The following ADGRB3 variants were observed in gnomAD, a reference collection of about 807,000 sequenced individuals.
The protein encoded by ADGRB3 is adhesion G protein-coupled receptor B3.
ADGRB3 carries 37 observed loss-of-function variants against 193.4 expected under a neutral mutation model. The ratio of observed to expected loss-of-function variants is 0.19; its 90% CI spans 0.15 to 0.25. The LOEUF (loss-of-function observed/expected upper bound fraction) is 0.25. ADGRB3 is among the 10% of genes least tolerant of loss of function. The probability of loss-of-function intolerance (pLI) is 1.00; values close to 1 mark genes in which losing one functional copy is unlikely to be tolerated. For synonymous variants in ADGRB3, 690 were observed against 644.2 expected (o/e 1.07, Z -1.08); for missense variants, 1,637 against 1,852.9 (o/e 0.88, Z 2.14).
intron 3 of ADGRB3, among the ~76,000 whole-genome samples, chr6:68,883,437 T>G (rs898895417): frequency 1.3e-5 from 2 of 152,226 alleles, no homozygotes; most frequent in Non-Finnish European, 2.9e-5. Context: ...TTCCACGTTG[T>G]AGGAGCTTTG....
At chr6:68,976,582 A>T (rs1171787812) in intron 10 of ADGRB3, among the ~76,000 whole-genome samples, 2 of 152,228 alleles carry the variant, frequency 1.3e-5, no homozygotes, top group African/African-American at 4.8e-5. Flanking sequence ...TTATTAACAC[A>T]TATTCCATAT....
chr6:68,965,629 C>T (rs1231257440), intron 8 of ADGRB3, among the ~76,000 whole-genome samples: 1 of 152,098 alleles, frequency 6.6e-6, no homozygotes, highest in East Asian at 1.9e-4. Flanking sequence ...CAGCTAATCA[C>T]TAGGTAATTG....
chr6:69,208,063 T>C (rs1765576357), intron 17 of ADGRB3, among the ~76,000 whole-genome samples: 1 of 152,198 alleles, frequency 6.6e-6, no homozygotes. Flanking sequence ...CACTCAGCAG[T>C]GGTCATAGCC....
intron 17 of ADGRB3, among the ~76,000 whole-genome samples, chr6:69,096,362 G>GTTT (rs1772875374): frequency 1.0e-5 from 1 of 96,630 alleles, no homozygotes; most frequent in African/African-American, 3.4e-5. Flanking sequence ...TATTGTTTTG[G>GTTT]GTTTTTTTTT....
intron 20 of ADGRB3, among the ~76,000 whole-genome samples, chr6:69,289,466 A>G (rs974969855): frequency 2.6e-5 from 4 of 152,188 alleles, no homozygotes; most frequent in Non-Finnish European, 4.4e-5. Context: ...CACCTTCACA[A>G]TTCAACAAGG....
chr6:69,227,288 C>T (rs1766040193), intron 17 of ADGRB3, among the ~76,000 whole-genome samples: 1 of 152,058 alleles, frequency 6.6e-6, no homozygotes, highest in Non-Finnish European at 1.5e-5. Flanking sequence ...TGTGGGAAGC[C>T]AATGAGAGAC....
At chr6:69,061,187 C>G (rs1771737477) in intron 15 of ADGRB3, among the ~76,000 whole-genome samples, 1 of 151,886 alleles carries the variant, frequency 6.6e-6, no homozygotes, top group Non-Finnish European at 1.5e-5. Flanking sequence ...GGCTGAATAG[C>G]TTCCTGAGTG....
intron 3 of ADGRB3, among the ~76,000 whole-genome samples, chr6:68,772,885 AAAAAAAAAAATAT>A (rs1278759616): frequency 9.3e-5 from 4 of 42,892 alleles, no homozygotes; most frequent in African/African-American, 3.4e-4. Flanking sequence ...AAACAAACAA[AAAAAAAAAAATAT>A]ATATATATAT....
intron 3 of ADGRB3, among the ~76,000 whole-genome samples, chr6:68,874,424 C>T (rs1234484274): frequency 6.6e-6 from 1 of 152,062 alleles, no homozygotes; most frequent in African/African-American, 2.4e-5. Flanking sequence ...GACTCAAACA[C>T]ACTTTAAAAC....
intron 17 of ADGRB3, among the ~76,000 whole-genome samples, chr6:69,166,024 T>C (rs1460722538): frequency 6.6e-6 from 1 of 152,154 alleles, no homozygotes; most frequent in Non-Finnish European, 1.5e-5. Flanking sequence ...AACCATTTAC[T>C]GAGCACTGAC....
intron 3 of ADGRB3, among the ~76,000 whole-genome samples, chr6:68,805,476 G>T (rs960436869): frequency 6.6e-6 from 1 of 152,124 alleles, no homozygotes; most frequent in South Asian, 2.1e-4. Flanking sequence ...GGTTCAGTGA[G>T]CCCATTATGA....
chr6:68,956,070 A>G lies in ADGRB3; in HGVS notation c.1242A>G (p.Val414=). 2 of 1,613,940 alleles carry G rather than the reference A, an allele frequency of 1.2e-6. No individual in the cohort carries two copies. The highest frequency in any genetic ancestry group is 1.7e-6 in the Non-Finnish European group (2 of 1,179,948). The part of the protein sequence containing the change: ...QEWSSWSQCS[V]TCSNGTQQRS... Reference sequence around the variant, plus strand: ...GGAGTTCGTGGAGCCAGTGCTCAGTAACGTGCTCGAATGGGACTCAGCAGA... The same window carrying G: ...GGAGTTCGTGGAGCCAGTGCTCAGTGACGTGCTCGAATGGGACTCAGCAGA... Residue 414 remains valine, a synonymous_variant, in exon 7 of 32, where the codon GTA becomes GTG. Coordinates refer to ENST00000370598, the MANE Select transcript of ADGRB3 (RefSeq NM_001704.3).
At chr6:69,324,842 G>A in intron 20 of ADGRB3, 30 bp from the exon 21 acceptor site, 2 of 1,611,826 alleles carry the variant, frequency 1.2e-6, no homozygotes, top group Non-Finnish European at 1.7e-6. Flanking sequence ...CAGGTTCAGT[G>A]TGAGTCTTTT....
intron 3 of ADGRB3, among the ~76,000 whole-genome samples, chr6:68,792,616 A>G (rs1767128911): frequency 6.6e-6 from 1 of 152,030 alleles, no homozygotes; most frequent in Admixed American, 6.6e-5. Context: ...TCAATCTACA[A>G]TCTATTTACT....
intron 20 of ADGRB3, among the ~76,000 whole-genome samples, chr6:69,258,953 A>T (rs1330487616): frequency 6.6e-6 from 1 of 152,222 alleles, no homozygotes; most frequent in South Asian, 2.1e-4. Flanking sequence ...AAGAAATAGA[A>T]GGCTGAAGTT....
chr6:69,012,915 C>T (rs1284665025), intron 11 of ADGRB3, among the ~76,000 whole-genome samples: 1 of 152,030 alleles, frequency 6.6e-6, no homozygotes, highest in Non-Finnish European at 1.5e-5. Context: ...TCAAGGGAGT[C>T]CTGGTCCAAG....
intron 17 of ADGRB3, among the ~76,000 whole-genome samples, chr6:69,229,019 A>G (rs934859665): frequency 6.6e-5 from 10 of 152,162 alleles, no homozygotes; most frequent in South Asian, 4.1e-4. Flanking sequence ...TTAATTTTCA[A>G]TGCTCTTCAG....
intron 3 of ADGRB3, among the ~76,000 whole-genome samples, chr6:68,805,985 A>C (rs953608010): frequency 1.2e-4 from 18 of 152,208 alleles, no homozygotes; most frequent in Non-Finnish European, 2.4e-4. Context: ...GAGGCATAAC[A>C]TACCATGTGA....
At chr6:69,174,809 G>A (rs916697374) in intron 17 of ADGRB3, among the ~76,000 whole-genome samples, 5 of 152,248 alleles carry the variant, frequency 3.3e-5, no homozygotes, top group East Asian at 1.9e-4. Flanking sequence ...TCTGACTGGC[G>A]TCAGATGGTA....
Sources: gnomAD v4.1 joint callset for allele counts (sites outside exome capture counted in the v4.1 genomes callset) on GRCh38, gnomAD v4.1.1 for gene constraint, MANE v1.5 for transcripts, NCBI Gene and HGNC (gene_info 2026-07-23, HGNC 2026-07-21) for gene names.